Variants in ACER2 observed in about 807,000 individuals in gnomAD.
ACER2 encodes alkaline ceramidase 2.
ACER2 carries 26 observed loss-of-function variants against 34.7 expected under a neutral mutation model. The observed-to-expected ratio is 0.75, with a 90% CI of 0.55 to 1.04. The LOEUF (loss-of-function observed/expected upper bound fraction) is 1.04, where lower values mean the gene tolerates loss of function less well. ACER2 is among the 50% of genes least tolerant of loss of function. The pLI is 0.00. For missense variants in ACER2, 352 were observed against 340.8 expected, an observed-to-expected ratio of 1.03 and a Z score of -0.26; for synonymous variants, 138 against 132.1, an observed-to-expected ratio of 1.04 and a Z score of -0.31.
chr9:19,437,095 C>G (rs1831001405), intron 4 of ACER2, among the ~76,000 whole-genome samples: 1 of 152,174 alleles, frequency 6.6e-6, no homozygotes, highest in Non-Finnish European at 1.5e-5. Context: ...CTCATTCACC[C>G]TCTTGTGTTC....
At chr9:19,423,714 G>A (rs10120929) in intron 1 of ACER2, 148 bp from the exon 2 acceptor site, 147,462 of 622,810 alleles carry the variant, frequency 0.24, 22,812 homozygotes, top group African/African-American at 0.62. Context: ...ATCTCAAAGA[G>A]AAAAGAAAAA....
intron 1 of ACER2, among the ~76,000 whole-genome samples, chr9:19,417,651 C>G (rs966939626): frequency 2.2e-4 from 33 of 152,178 alleles, no homozygotes; most frequent in Non-Finnish European, 4.0e-4. Flanking sequence ...GTTAGGAAAA[C>G]TAGCTAGCCA....
intron 3 of ACER2, among the ~76,000 whole-genome samples, chr9:19,433,576 C>A (rs570533595): frequency 6.6e-6 from 1 of 152,248 alleles, no homozygotes; most frequent in Admixed American, 6.5e-5. Flanking sequence ...ACACGGCAAC[C>A]ATCCGATTTC....
At position 19,426,358 on chromosome 9, in the gene ACER2, TTCTCTCTCTCTCTCTCTC is replaced by T. The variant is rs59963606; in HGVS notation, c.365+1534_365+1551del. 2.4e-4 allele frequency among the ~76,000 whole-genome samples: 28 copies of T among 118,322 alleles called. No individual in the cohort carries two copies. The South Asian group carries it at 2.9e-3, about 12-fold the overall frequency. The allele number at this position is 118,322 out of a possible 152,430, so 77.6% of individuals were successfully genotyped here. On this transcript the variant is annotated intron_variant, in intron 3 of 5. Transcript: ENST00000340967. ...TCTGTCTTTGTCTTTCTCCCTCTCT[TTCTCTCTCTCTCTCTCTC>T]TCTCTCTCTCTCTCTCCTCCTTTCC...
intron 1 of ACER2, among the ~76,000 whole-genome samples, chr9:19,413,401 C>A (rs757692802): frequency 6.6e-6 from 1 of 152,106 alleles, no homozygotes; most frequent in Non-Finnish European, 1.5e-5. Context: ...GAGTTTGAGA[C>A]CAGCCTGGCC....
chr9:19,426,242 C>A (rs1016066557), intron 3 of ACER2, among the ~76,000 whole-genome samples: 2 of 147,434 alleles, frequency 1.4e-5, no homozygotes, highest in African/African-American at 5.1e-5. Context: ...AAAAAAAAAA[C>A]AAAATTAACA....
In ACER2 at chr9:19,423,901, A is replaced by C. The variant is rs986641587; in HGVS notation, c.148A>C (p.Met50Leu). The C allele has an allele frequency of 3.1e-6, 5 of 1,613,968 alleles. No homozygotes were observed. The highest frequency in any genetic ancestry group is 3.4e-6 in the Non-Finnish European group (4 of 1,179,990). The change falls in exon 2 of 6, where the codon ATG becomes CTG. Residue 50 changes from methionine (M) to leucine (L), a missense_variant. By Grantham distance (15) the Met-to-Leu change is conservative (BLOSUM62 2). Transcript: ENST00000340967. ...VLFFILPPIC[M>L]CLFRQYATCF... ...ATTTTTCATTTTACCGCCCATCTGC[A>C]TGTGCTTGTTTCGTCAGTATGCAAC... is the stretch of plus-strand genomic sequence containing the variant.
chr9:19,416,671 G>A (rs1414027389), intron 1 of ACER2, among the ~76,000 whole-genome samples: 1 of 150,944 alleles, frequency 6.6e-6, no homozygotes, highest in Non-Finnish European at 1.5e-5. Flanking sequence ...GATTACAGGC[G>A]CCCGCCACCA....
intron 4 of ACER2, among the ~76,000 whole-genome samples, chr9:19,435,928 A>C (rs1405124320): frequency 1.3e-5 from 2 of 152,094 alleles, no homozygotes; most frequent in African/African-American, 4.8e-5. Context: ...GGGCGCCTGT[A>C]GTCCCAGCTA....
chr9:19,436,851 T>G (rs1265018530), intron 4 of ACER2, among the ~76,000 whole-genome samples: 1 of 152,242 alleles, frequency 6.6e-6, no homozygotes, highest in African/African-American at 2.4e-5. Flanking sequence ...CCTTAGGCTG[T>G]GCTAATGGCC....
intron 4 of ACER2, among the ~76,000 whole-genome samples, chr9:19,443,970 A>G (rs1831246176): frequency 6.6e-6 from 1 of 152,018 alleles, no homozygotes; most frequent in Non-Finnish European, 1.5e-5. Flanking sequence ...GTTTAATACC[A>G]GATGTTACAC....
At chr9:19,450,288 G>A (rs1205615555) in intron 5 of ACER2, 162 bp from the exon 6 acceptor site, 2 of 985,256 alleles carry the variant, frequency 2.0e-6, no homozygotes, top group Non-Finnish European at 2.4e-6. Flanking sequence ...GCTATTCCAG[G>A]GATTGTTGGT....
At chr9:19,420,842 G>C (rs1830383795) in intron 1 of ACER2, among the ~76,000 whole-genome samples, 1 of 152,170 alleles carries the variant, frequency 6.6e-6, no homozygotes, top group Non-Finnish European at 1.5e-5. Flanking sequence ...GGTGGGAAGG[G>C]TGAATACCTC....
At chr9:19,427,626 TC>T (rs995448598) in intron 3 of ACER2, among the ~76,000 whole-genome samples, 8 of 106,160 alleles carry the variant, frequency 7.5e-5, no homozygotes, top group Admixed American at 4.2e-4. Flanking sequence ...CTTCCCTCCC[TC>T]CCCCCCTCCT....
chr9:19,440,274 C>T lies in ACER2; in HGVS notation c.503+5190C>T, dbSNP rs148290065. Among the ~76,000 whole-genome samples the T allele has an allele frequency of 7.2e-3, 1,104 of 152,300 alleles. 7 individuals carry two copies. The highest frequency in any genetic ancestry group is 0.025 in the African/African-American group (1,052 of 41,556). On this transcript the variant is annotated intron_variant, in intron 4 of 5. Coordinates refer to ENST00000340967, the MANE Select transcript of ACER2 (RefSeq NM_001010887.3). The stretch of plus-strand genomic sequence containing the variant: ...GTCTCTTGCGTAGACTCCTACTTTT[C>T]TACACAGCTTTGCATGTAGGAATCC...
Position 19,424,759 on chromosome 9 carries a change from C to T in ACER2, c.283C>T (p.Leu95Phe). 6.2e-7 allele frequency: 1 copy of T among 1,614,160 alleles called. No individual in the cohort carries two copies. Among genetic ancestry groups the T allele is most frequent in the Non-Finnish European group, 8.5e-7 (1 of 1,180,030 alleles). The change falls in exon 3 of 6, where the codon CTT (leucine) becomes TTT (phenylalanine). Residue 95 changes from leucine to phenylalanine, a missense_variant. Physicochemically the swap from Leu to Phe is conservative, Grantham distance 22. Transcript: ENST00000340967. ...LSFLGQMLDE[L>F]AVLWVLMCAL... ...TTTCTTGGGTCAGATGCTTGATGAACTTGCAGTCCTTTGGGTTCTGATGTG... is the reference window on the plus strand; with the variant it reads ...TTTCTTGGGTCAGATGCTTGATGAATTTGCAGTCCTTTGGGTTCTGATGTG...
intron 1 of ACER2, chr9:19,409,994 C>G (rs1308867113): frequency 2.1e-6 from 2 of 946,802 alleles, no homozygotes; most frequent in Non-Finnish European, 1.3e-6. Flanking sequence ...GAGGAAATGC[C>G]TCTTATTTTG....
intron 1 of ACER2, among the ~76,000 whole-genome samples, chr9:19,414,209 C>A (rs1467663172): frequency 6.6e-6 from 1 of 152,082 alleles, no homozygotes; most frequent in Admixed American, 6.5e-5. Flanking sequence ...GTTGGTCATC[C>A]CAGGGGCAGA....
intron 1 of ACER2, chr9:19,409,962 T>C (rs1382097299): frequency 3.0e-6 from 3 of 983,670 alleles, no homozygotes; most frequent in Non-Finnish European, 3.6e-6. Flanking sequence ...GTTCTTGTGG[T>C]AGGGAAGGGT....
Sources: gnomAD v4.1 joint callset for allele counts (sites outside exome capture counted in the v4.1 genomes callset) on GRCh38, gnomAD v4.1.1 for gene constraint, MANE v1.5 for transcripts, NCBI Gene and HGNC (gene_info 2026-07-23, HGNC 2026-07-21) for gene names.